The following BICDL1 variants were observed in gnomAD, a reference collection of about 807,000 sequenced individuals.
BICDL1 encodes BICD family-like cargo adapter 1.
BICDL1 carries 20 observed loss-of-function variants against 76.8 expected under a neutral mutation model. The ratio of observed to expected loss-of-function variants is 0.26; its 90% CI spans 0.18 to 0.38. The LOEUF (loss-of-function observed/expected upper bound fraction) is 0.38. Among genes scored for constraint, BICDL1 ranks in the 10% least tolerant of loss-of-function variants. The pLI, the probability that BICDL1 is intolerant of heterozygous loss-of-function variation, is 1.00. For missense variants in BICDL1, 700 were observed against 798.6 expected (o/e 0.88, Z 1.49); for synonymous variants, 383 against 337.1 (o/e 1.14, Z -1.49).
At chr12:120,078,637 G>T (rs943855707) in intron 7 of BICDL1, among the ~76,000 whole-genome samples, 1 of 152,124 alleles carries the variant, frequency 6.6e-6, no homozygotes, top group Non-Finnish European at 1.5e-5. Flanking sequence ...TTTTATTTCC[G>T]CTTATTATAA....
intron 2 of BICDL1, among the ~76,000 whole-genome samples, chr12:120,005,027 T>C (rs973574319): frequency 6.6e-6 from 1 of 152,184 alleles, no homozygotes; most frequent in African/African-American, 2.4e-5. Context: ...TTCACCATGT[T>C]GGCCAGTCTA....
At chr12:120,009,448 G>T (rs887187170) in intron 2 of BICDL1, among the ~76,000 whole-genome samples, 7 of 152,206 alleles carry the variant, frequency 4.6e-5, no homozygotes, top group African/African-American at 1.7e-4. Context: ...GAAGGCCCAA[G>T]ATTCAGATTA....
Position 120,094,450 on chromosome 12 carries a change from T to G in BICDL1, c.*1289T>G. ...TTTAGAAAAACAGCACACCACTGCT[T>G]CTTTTGAAAATAGTCTGAATAAGAA... On this transcript the variant is annotated 3_prime_UTR_variant, in exon 10 of 10. Transcript: ENST00000548673. 3.1e-6 allele frequency: 1 copy of G among 319,814 alleles called. No individual in the cohort carries two copies. The highest frequency in any genetic ancestry group is 2.2e-5 in the African/African-American group (1 of 46,318). The allele number at this position is 319,814 out of a possible 1,614,324, so 19.8% of individuals were successfully genotyped here. A position where few individuals can be genotyped will look rare whatever the true frequency, so the allele number is the denominator to read the frequency against.
intron 2 of BICDL1, among the ~76,000 whole-genome samples, chr12:120,033,583 G>A (rs552879135): frequency 2.8e-4 from 42 of 151,766 alleles, no homozygotes; most frequent in Non-Finnish European, 5.7e-4. Flanking sequence ...GGGTTTCACC[G>A]TGTTAGCCAG....
intron 2 of BICDL1, among the ~76,000 whole-genome samples, chr12:120,057,737 TGTG>T (rs1046942878): frequency 3.3e-5 from 5 of 151,898 alleles, no homozygotes; most frequent in African/African-American, 7.3e-5. Flanking sequence ...GTGGCTGTGA[TGTG>T]GTGGCCAAAG....
chr12:120,037,811 GT>G (rs752949768), intron 2 of BICDL1, among the ~76,000 whole-genome samples: 265 of 152,256 alleles, frequency 1.7e-3, no homozygotes, highest in Non-Finnish European at 2.7e-3. Flanking sequence ...ATATGAGTTT[GT>G]TTTAACAGAC....
intron 8 of BICDL1, among the ~76,000 whole-genome samples, chr12:120,086,721 G>A (rs1874444313): frequency 2.6e-5 from 4 of 152,344 alleles, no homozygotes; most frequent in South Asian, 4.1e-4. Context: ...CTAGCAATCT[G>A]CCTTACAAAA....
At chr12:120,011,162 C>A (rs1951945176) in intron 2 of BICDL1, among the ~76,000 whole-genome samples, 1 of 152,162 alleles carries the variant, frequency 6.6e-6, no homozygotes, top group South Asian at 2.1e-4. Flanking sequence ...CAGGTGACTT[C>A]TAAGGTCGTA....
chr12:120,024,155 C>T (rs946626854), intron 2 of BICDL1, among the ~76,000 whole-genome samples: 3 of 152,042 alleles, frequency 2.0e-5, no homozygotes, highest in African/African-American at 7.2e-5. Context: ...GTGGTGCACG[C>T]TTGTAATCCC....
Position 120,071,767 on chromosome 12 carries a change from T to C in BICDL1, c.1055T>C (p.Met352Thr), listed in dbSNP as rs1873122993. 1 of 1,611,134 alleles carries C rather than the reference T, an allele frequency of 6.2e-7. No homozygotes were observed. ...CTCCTGTCAGAGATCGAGCAGAGCA[T>C]GGAGGCTGAGGAGCTGGAGCAGGAG... ...TSLLSEIEQS[M>T]EAEELEQERE... The change falls in exon 5 of 10, where the codon ATG (methionine) becomes ACG (threonine). Residue 352 changes from methionine to threonine, a missense_variant. Transcript: ENST00000548673. The surrounding 1 kb of genome is among the most constrained non-coding windows in gnomAD (Gnocchi z 4.8).
intron 4 of BICDL1, 118 bp downstream of exon 4, chr12:120,064,997 C>T: frequency 2.5e-6 from 3 of 1,205,588 alleles, no homozygotes; most frequent in Non-Finnish European, 3.5e-6. Context: ...GTGGATGATG[C>T]TGAGGTCTCG....
At chr12:120,017,887 G>A (rs1158813788) in intron 2 of BICDL1, among the ~76,000 whole-genome samples, 2 of 152,206 alleles carry the variant, frequency 1.3e-5, no homozygotes, top group African/African-American at 2.4e-5. Flanking sequence ...GAGATTAATA[G>A]TAGTCTGCTT....
intron 2 of BICDL1, among the ~76,000 whole-genome samples, chr12:120,015,515 T>TA (rs1229995245): frequency 3.9e-5 from 6 of 152,216 alleles, no homozygotes; most frequent in African/African-American, 1.4e-4. Context: ...AGTGCTTTAG[T>TA]CCCTTTCTTT....
chr12:120,066,446 C>G lies in BICDL1; in HGVS notation c.909+1567C>G, dbSNP rs7953842. Among the ~76,000 whole-genome samples, 482 of 152,320 alleles carry G rather than the reference C, an allele frequency of 3.2e-3. 4 individuals carry two copies. The highest frequency in any genetic ancestry group is 0.011 in the African/African-American group (466 of 41,570). On this transcript the variant is annotated intron_variant, in intron 4 of 9. Transcript: ENST00000548673. ...AAAAGTCCTTATTTCAAATCAAGAA[C>G]TGGGGACCTGGGTTGGGGGAAAGAG...
At chr12:120,029,097 G>C (rs1952367996) in intron 2 of BICDL1, among the ~76,000 whole-genome samples, 2 of 152,174 alleles carry the variant, frequency 1.3e-5, no homozygotes, top group South Asian at 4.2e-4. Context: ...AGCAAAAGCA[G>C]GCCCTGAGCT....
In BICDL1 at chr12:120,071,749, CAG is replaced by C; in HGVS notation, c.1041_1042del (p.Glu347AspfsTer8). On this transcript the variant is annotated frameshift_variant, in exon 5 of 10. Transcript: ENST00000548673. LOFTEE classifies it high-confidence loss of function. This position sits in a 1 kb window ranked among gnomAD's most constrained non-coding sequence, Gnocchi z 4.8. Reference sequence around the variant, plus strand: ...GCCGCCACCAGCACATCCCTCCTGTCAGAGATCGAGCAGAGCATGGAGGCTGA... The same window carrying C: ...GCCGCCACCAGCACATCCCTCCTGTCAGATCGAGCAGAGCATGGAGGCTGA... The C allele has an allele frequency of 6.2e-7, 1 of 1,611,974 alleles. No homozygotes were observed. Among genetic ancestry groups the C allele is most frequent in the Non-Finnish European group, 8.5e-7 (1 of 1,179,778 alleles).
At chr12:120,018,692 TATAAAA>T (rs1448383446) in intron 2 of BICDL1, among the ~76,000 whole-genome samples, 1 of 15,700 alleles carries the variant, frequency 6.4e-5, no homozygotes, top group Non-Finnish European at 1.0e-4. Context: ...TAGGAATTGT[TATAAAA>T]AAAAAATCAT....
At chr12:120,091,229 G>C in intron 9 of BICDL1, 2 of 1,157,962 alleles carry the variant, frequency 1.7e-6, no homozygotes, top group Non-Finnish European at 2.2e-6. Context: ...GCTAACGGCT[G>C]GTGCCGTCTT....
At chr12:120,012,926 C>CTA (rs772061768) in intron 2 of BICDL1, among the ~76,000 whole-genome samples, 3 of 152,180 alleles carry the variant, frequency 2.0e-5, no homozygotes, top group Admixed American at 1.3e-4. Flanking sequence ...ATAGGGTGGG[C>CTA]TATACATGGA....
Sources: gnomAD v4.1 joint callset for allele counts (sites outside exome capture counted in the v4.1 genomes callset) on GRCh38, gnomAD v4.1.1 for gene constraint, Gnocchi (gnomAD v3.1) non-coding constraint, MANE v1.5 for transcripts, NCBI Gene and HGNC (gene_info 2026-07-23, HGNC 2026-07-21) for gene names.